RARB: variants seen among roughly 807,000 people sequenced by gnomAD.
RARB encodes the protein retinoic acid receptor beta, also known as HBV-activated protein.
A neutral mutation model predicts 51.9 loss-of-function variants in RARB; 17 were observed. That is an observed-to-expected ratio of 0.33 (90% CI 0.22 to 0.49). The LOEUF (loss-of-function observed/expected upper bound fraction) is 0.49. Ranked by LOEUF, RARB falls within the 20% of genes least tolerant of loss-of-function variation. The probability of loss-of-function intolerance (pLI) is 0.99; values close to 1 mark genes in which losing one functional copy is unlikely to be tolerated. For synonymous variants in RARB, 215 were observed against 195.4 expected (o/e 1.10, Z -0.84); for missense variants, 369 against 550.8 (o/e 0.67, Z 3.30).
chr3:25,358,554 G>T (rs1293375086), intron 5 of RARB, among the ~76,000 whole-genome samples: 1 of 152,154 alleles, frequency 6.6e-6, no homozygotes, highest in Non-Finnish European at 1.5e-5. Context: ...TTCTTGTCTT[G>T]TGCTGGTTTG....
intron 5 of RARB, among the ~76,000 whole-genome samples, chr3:25,289,511 T>C (rs986113282): frequency 6.6e-6 from 1 of 152,204 alleles, no homozygotes; most frequent in African/African-American, 2.4e-5. Context: ...GAGGTTTGGC[T>C]CAACAAAATG....
chr3:25,587,759 C>T (rs986774933), intron 5 of RARB, among the ~76,000 whole-genome samples: 2 of 152,186 alleles, frequency 1.3e-5, no homozygotes, highest in Admixed American at 6.5e-5. Context: ...GTATCACTAC[C>T]TAAACATTCC....
At chr3:25,559,130 C>T (rs1213366772) in intron 3 of RARB, among the ~76,000 whole-genome samples, 2 of 152,156 alleles carry the variant, frequency 1.3e-5, no homozygotes, top group African/African-American at 4.8e-5. Context: ...TAAATTCCAT[C>T]ATGTAGCCAC....
At chr3:24,875,605 T>G (rs141243333) in intron 2 of RARB, among the ~76,000 whole-genome samples, 1 of 152,266 alleles carries the variant, frequency 6.6e-6, no homozygotes, top group African/African-American at 2.4e-5. Context: ...TTCAAAATGT[T>G]GTTTTAGTGT....
intron 4 of RARB, among the ~76,000 whole-genome samples, chr3:25,573,784 A>G (rs191888046): frequency 0.045 from 6,924 of 152,294 alleles, 200 homozygotes; most frequent in Non-Finnish European, 0.068. Flanking sequence ...CTTTGGAATT[A>G]GTGGGCAGAG....
chr3:25,472,155 A>G (rs559740127), intron 2 of RARB, among the ~76,000 whole-genome samples: 1 of 152,370 alleles, frequency 6.6e-6, no homozygotes, highest in East Asian at 1.9e-4. Flanking sequence ...CACAAGGTAC[A>G]ATGTTTGCTA....
At chr3:25,577,998 CTTCTGGCTTGGCT>C (rs1701011593) in intron 4 of RARB, among the ~76,000 whole-genome samples, 1 of 152,248 alleles carries the variant, frequency 6.6e-6, no homozygotes, top group South Asian at 2.1e-4. Flanking sequence ...GCCCCTTGCC[CTTCTGGCTTGGCT>C]GTTTTCCTCA....
At chr3:25,470,319 A>T (rs1043263552) in intron 2 of RARB, among the ~76,000 whole-genome samples, 1 of 152,226 alleles carries the variant, frequency 6.6e-6, no homozygotes, top group Non-Finnish European at 1.5e-5. Flanking sequence ...AAGCTCCTCG[A>T]TTACAGGTAA....
At chr3:25,004,752 T>C (rs1697233973) in intron 2 of RARB, among the ~76,000 whole-genome samples, 1 of 152,138 alleles carries the variant, frequency 6.6e-6, no homozygotes, top group South Asian at 2.1e-4. Flanking sequence ...AATTTTGAGA[T>C]GGTAAATGAG....
intron 3 of RARB, among the ~76,000 whole-genome samples, chr3:25,089,161 A>G (rs1699152996): frequency 6.6e-6 from 1 of 152,024 alleles, no homozygotes; most frequent in Non-Finnish European, 1.5e-5. Flanking sequence ...AAACAAATTC[A>G]TTGTAAAGAA....
intron 2 of RARB, among the ~76,000 whole-genome samples, chr3:25,040,808 G>A (rs1008557319): frequency 3.3e-4 from 50 of 152,072 alleles, no homozygotes; most frequent in African/African-American, 1.1e-3. Flanking sequence ...ATTACAAAGC[G>A]TTTTCCTTAG....
At chr3:25,406,564 G>A (rs920666053) in intron 5 of RARB, among the ~76,000 whole-genome samples, 4 of 152,102 alleles carry the variant, frequency 2.6e-5, no homozygotes, top group Non-Finnish European at 4.4e-5. Flanking sequence ...TAAGGATATT[G>A]GATAATCTGG....
chr3:25,065,092 G>A (rs1042024935), intron 3 of RARB, among the ~76,000 whole-genome samples: 3 of 150,812 alleles, frequency 2.0e-5, no homozygotes, highest in Non-Finnish European at 4.4e-5. Flanking sequence ...GGTTAAGTAT[G>A]CTTCATTTTA....
chr3:24,876,540 C>T (rs971074755), intron 2 of RARB, among the ~76,000 whole-genome samples: 3 of 152,088 alleles, frequency 2.0e-5, no homozygotes, highest in African/African-American at 7.2e-5. Context: ...AATGTCTGAG[C>T]AAGTGAACAT....
intron 5 of RARB, among the ~76,000 whole-genome samples, chr3:25,402,771 G>T (rs1284921764): frequency 6.6e-6 from 1 of 152,112 alleles, no homozygotes; most frequent in Non-Finnish European, 1.5e-5. Context: ...TGAACTCATG[G>T]CCATAGAAAG....
rs55848511 is a variant in RARB, at chr3:24,966,606, ATCTCTCTC to A, written c.-379-93487_-379-93480del. Among the ~76,000 whole-genome samples, 557 of 140,326 alleles carry A rather than the reference ATCTCTCTC, an allele frequency of 4.0e-3. 6 individuals carry two copies. The highest frequency in any genetic ancestry group is 8.3e-3 in the African/African-American group (307 of 36,976). 92.1% of individuals were successfully genotyped at this position (140,326 alleles called of 152,430 possible). On this transcript the variant is annotated intron_variant, in intron 2 of 11. Transcript: ENST00000383772. ...CTGTGTCTGACCTTGGTTTACATTC[ATCTCTCTC>A]TCTCTCTCTCTCTCTCTCTCTCTCT... is the stretch of plus-strand genomic sequence containing the variant.
intron 5 of RARB, among the ~76,000 whole-genome samples, chr3:25,342,230 G>C (rs1333047677): frequency 6.6e-6 from 1 of 152,208 alleles, no homozygotes; most frequent in Non-Finnish European, 1.5e-5. Flanking sequence ...AAAGTGATGA[G>C]TTTAGTCACA....
At chr3:25,024,779 C>A (rs1244240496) in intron 2 of RARB, among the ~76,000 whole-genome samples, 2 of 151,742 alleles carry the variant, frequency 1.3e-5, no homozygotes, top group African/African-American at 4.8e-5. Flanking sequence ...ATGGTGAAAC[C>A]CTGTCTCTAC....
intron 3 of RARB, among the ~76,000 whole-genome samples, chr3:25,513,545 T>A (rs1411695934): frequency 6.6e-6 from 1 of 152,048 alleles, no homozygotes; most frequent in Non-Finnish European, 1.5e-5. Flanking sequence ...ACCATATGAG[T>A]GATAGCATGT....
Sources: allele counts gnomAD v4.1 joint callset (sites outside exome capture counted in the v4.1 genomes callset), GRCh38; gene constraint gnomAD v4.1.1; transcripts MANE v1.5; gene names NCBI Gene and HGNC (gene_info 2026-07-23, HGNC 2026-07-21).